BANK1: variants seen among roughly 807,000 people sequenced by gnomAD.
BANK1 encodes the protein B cell scaffold protein with ankyrin repeats 1.
In BANK1, 95 loss-of-function variants were observed where a neutral mutation model predicts 94.5. The observed-to-expected ratio is 1.00, with a 90% confidence interval of 0.85 to 1.19. BANK1 has a LOEUF of 1.19. BANK1 is among the 50% of genes most tolerant of loss of function. The pLI, the probability that BANK1 is intolerant of heterozygous loss-of-function variation, is 0.00. For missense variants in BANK1, 987 were observed against 932.2 expected (o/e 1.06, Z -0.77); for synonymous variants, 334 against 308.4 (o/e 1.08, Z -0.87).
intron 7 of BANK1, among the ~76,000 whole-genome samples, chr4:101,924,666 A>G (rs1723098043): frequency 1.3e-5 from 2 of 151,814 alleles, no homozygotes; most frequent in Non-Finnish European, 2.9e-5. Flanking sequence ...AACGTTTCTT[A>G]CAACTCAGAC....
chr4:102,038,034 C>A (rs1273841675), intron 10 of BANK1, among the ~76,000 whole-genome samples: 1 of 152,130 alleles, frequency 6.6e-6, no homozygotes, highest in Non-Finnish European at 1.5e-5. Context: ...TTTTTGAGAG[C>A]TTTTTGGAAT....
chr4:101,831,964 T>C (rs1054160071), intron 2 of BANK1, among the ~76,000 whole-genome samples: 8 of 152,214 alleles, frequency 5.3e-5, no homozygotes, highest in Non-Finnish European at 7.3e-5. Flanking sequence ...GAAGATCTGC[T>C]AACAGGGCTT....
intron 7 of BANK1, among the ~76,000 whole-genome samples, chr4:101,929,036 A>G (rs1723255396): frequency 6.6e-6 from 1 of 151,682 alleles, no homozygotes; most frequent in South Asian, 2.1e-4. Context: ...TGCTAACTTT[A>G]TGGTCTCACT....
intron 4 of BANK1, among the ~76,000 whole-genome samples, chr4:101,864,576 T>A (rs145079337): frequency 6.6e-6 from 1 of 152,180 alleles, no homozygotes; most frequent in Non-Finnish European, 1.5e-5. Flanking sequence ...GATGCAGGTG[T>A]GATACCTTTC....
chr4:101,976,002 C>T (rs1385912546), intron 7 of BANK1, among the ~76,000 whole-genome samples: 2 of 152,092 alleles, frequency 1.3e-5, no homozygotes, highest in Admixed American at 1.3e-4. Flanking sequence ...ACAACATATC[C>T]TCCCCAAACC....
intron 7 of BANK1, among the ~76,000 whole-genome samples, chr4:101,949,302 C>T (rs1254962970): frequency 1.3e-5 from 2 of 152,110 alleles, no homozygotes; most frequent in African/African-American, 4.8e-5. Context: ...AACTCTTTTT[C>T]AAACCTCTGC....
chr4:102,056,826 C>T (rs1210824677), intron 11 of BANK1, among the ~76,000 whole-genome samples: 1 of 151,888 alleles, frequency 6.6e-6, no homozygotes, highest in Non-Finnish European at 1.5e-5. Context: ...GCCAATATTG[C>T]GAGACCCCAT....
chr4:101,928,097 TATC>T (rs1303324248), intron 7 of BANK1, among the ~76,000 whole-genome samples: 14 of 151,684 alleles, frequency 9.2e-5, no homozygotes, highest in Non-Finnish European at 1.9e-4. Context: ...AAAAATTAGT[TATC>T]ATAATAATAA....
At chr4:101,823,787 A>C (rs1376102837) in intron 1 of BANK1, among the ~76,000 whole-genome samples, 1 of 152,226 alleles carries the variant, frequency 6.6e-6, no homozygotes, top group Non-Finnish European at 1.5e-5. Context: ...ATTTGCATAA[A>C]AATTTTTGCT....
intron 5 of BANK1, among the ~76,000 whole-genome samples, chr4:101,893,228 C>T (rs1721939783): frequency 6.6e-6 from 1 of 151,974 alleles, no homozygotes; most frequent in Non-Finnish European, 1.5e-5. Flanking sequence ...GTGGTACCCT[C>T]CATGAGAAAT....
At chr4:101,843,151 CA>C (rs932880662) in intron 2 of BANK1, among the ~76,000 whole-genome samples, 19 of 152,084 alleles carry the variant, frequency 1.2e-4, no homozygotes, top group Admixed American at 2.0e-4. Context: ...GAATTTCAAA[CA>C]AAAAACAGTG....
At chr4:101,956,872 A>C (rs904869455) in intron 7 of BANK1, among the ~76,000 whole-genome samples, 1 of 152,190 alleles carries the variant, frequency 6.6e-6, no homozygotes. Flanking sequence ...GAAAATTGAC[A>C]ATTTAAGGAA....
chr4:101,939,613 C>T (rs1278251916), intron 7 of BANK1, among the ~76,000 whole-genome samples: 2 of 151,622 alleles, frequency 1.3e-5, no homozygotes, highest in Non-Finnish European at 3.0e-5. Context: ...AAGTGACTAA[C>T]ATCACTTTCT....
chr4:101,790,920 G>T lies in BANK1; in HGVS notation c.40G>T (p.Asp14Tyr). The change falls in exon 1 of 17, where the codon GAC becomes TAC. Residue 14 changes from aspartate to tyrosine, a missense_variant. Asp to Tyr is a radical substitution (Grantham distance 160). Coordinates refer to ENST00000322953, the MANE Select transcript of BANK1 (RefSeq NM_017935.5). ...GCCAGGCAAGGGGCTTGGGAGCCCG[G>T]ACCCCGCCCCCTGCGGCCCAGCGCC... ...AAPGKGLGSP[D>Y]PAPCGPAPPG... 7 of 1,534,314 alleles carry T rather than the reference G, an allele frequency of 4.6e-6. No homozygotes were observed. The highest frequency in any genetic ancestry group is 2.4e-5 in the East Asian group (1 of 40,976).
intron 7 of BANK1, among the ~76,000 whole-genome samples, chr4:101,971,910 A>G (rs912711773): frequency 4.6e-5 from 7 of 152,082 alleles, no homozygotes; most frequent in Admixed American, 2.0e-4. Flanking sequence ...ATTTGAAGTC[A>G]GGTAGTGTGA....
chr4:101,988,479 C>A (rs904034381), intron 7 of BANK1, among the ~76,000 whole-genome samples: 4 of 152,106 alleles, frequency 2.6e-5, no homozygotes, highest in Non-Finnish European at 5.9e-5. Context: ...TCACTCTTCT[C>A]TTTTATTTGT....
At chr4:102,056,486 T>G (rs980192526) in intron 11 of BANK1, among the ~76,000 whole-genome samples, 1 of 152,158 alleles carries the variant, frequency 6.6e-6, no homozygotes, top group Non-Finnish European at 1.5e-5. Flanking sequence ...ATGGAAAGAT[T>G]CTTAGGCTAC....
intron 12 of BANK1, chr4:102,061,620 C>T (rs944550118): frequency 2.6e-5 from 4 of 152,156 alleles, no homozygotes; most frequent in Non-Finnish European, 4.4e-5. Flanking sequence ...TGTATTTCAT[C>T]CTCCTAAGAC....
chr4:102,002,114 T>C (rs1312067351), intron 7 of BANK1, among the ~76,000 whole-genome samples: 1 of 152,156 alleles, frequency 6.6e-6, no homozygotes, highest in Non-Finnish European at 1.5e-5. Flanking sequence ...ATTTCCAAAT[T>C]CTCATTTCAT....
Sources: gnomAD v4.1 joint callset for allele counts (sites outside exome capture counted in the v4.1 genomes callset) on GRCh38, gnomAD v4.1.1 for gene constraint, MANE v1.5 for transcripts, NCBI Gene and HGNC (gene_info 2026-07-23, HGNC 2026-07-21) for gene names.